Variants in AMMECR1L observed in about 807,000 individuals in gnomAD.
The protein encoded by AMMECR1L is AMMECR1 like.
A neutral mutation model predicts 36.8 loss-of-function variants in AMMECR1L; 4 were observed. The observed-to-expected ratio is 0.11, with a 90% CI of 0.05 to 0.25. AMMECR1L has a LOEUF of 0.25. AMMECR1L is among the 10% of genes least tolerant of loss of function. The probability of loss-of-function intolerance (pLI) is 1.00; values close to 1 mark genes in which losing one functional copy is unlikely to be tolerated. For synonymous variants in AMMECR1L, 147 were observed against 148.0 expected, an observed-to-expected ratio of 0.99 and a Z score of 0.05; for missense variants, 232 against 392.1, an observed-to-expected ratio of 0.59 and a Z score of 3.45.
At chr2:127,870,475 CA>C (rs367636435) in intron 5 of AMMECR1L, among the ~76,000 whole-genome samples, 23 of 142,446 alleles carry the variant, frequency 1.6e-4, no homozygotes, top group Admixed American at 1.4e-4. Context: ...AATTCCATCT[CA>C]AAAAAAAAAA....
intron 7 of AMMECR1L, among the ~76,000 whole-genome samples, 185 bp downstream of exon 7, chr2:127,866,715 G>C (rs1690701863): frequency 1.3e-5 from 2 of 152,218 alleles, no homozygotes; most frequent in African/African-American, 4.8e-5. Context: ...CAGCTATGGA[G>C]ACACACAGGA....
In AMMECR1L at chr2:127,865,014, A is replaced by T; in HGVS notation, c.*80T>A. 1 of 936,776 alleles carries T rather than the reference A, an allele frequency of 1.1e-6. No homozygotes were observed. Among genetic ancestry groups the T allele is most frequent in the Non-Finnish European group, 1.7e-6 (1 of 597,062 alleles). The allele number at this position is 936,776 out of a possible 1,614,324, so 58.0% of individuals were successfully genotyped here. ...GTGCAGTAATAGAAGTAACTGGACC[A>T]GGAAGAGGAGGCATCTGCTCCAATG... On this transcript the variant is annotated 3_prime_UTR_variant, in exon 8 of 8. Coordinates refer to ENST00000272647, the MANE Select transcript of AMMECR1L (RefSeq NM_001199140.2). This position sits in a 1 kb window ranked among gnomAD's most constrained non-coding sequence, Gnocchi z 5.4.
intron 1 of AMMECR1L, chr2:127,885,565 C>T (rs1319667695): frequency 1.0e-6 from 1 of 978,828 alleles, no homozygotes; most frequent in African/African-American, 1.8e-5. Flanking sequence ...CGGCGCCGCC[C>T]GCCCCTCCCC....
Position 127,865,241 on chromosome 2 carries a change from C to A in AMMECR1L, c.822-36G>T, listed in dbSNP as rs757155608. 6.8e-7 allele frequency: 1 copy of A among 1,459,858 alleles called. No individual in the cohort carries two copies. The highest frequency in any genetic ancestry group is 1.4e-5 in the African/African-American group (1 of 71,016). 90.4% of individuals were successfully genotyped at this position (1,459,858 alleles called of 1,614,324 possible). On this transcript the variant is annotated intron_variant, in intron 7 of 7. Coordinates refer to ENST00000272647, the MANE Select transcript of AMMECR1L (RefSeq NM_001199140.2). This position sits in a 1 kb window ranked among gnomAD's most constrained non-coding sequence, Gnocchi z 5.4. ...AAACAGGAAAGGGTATTAGGAACCC[C>A]AAACGCTTCATTTTGTAAAGTCACT...
At chr2:127,866,471 A>G (rs1175052196) in intron 7 of AMMECR1L, among the ~76,000 whole-genome samples, 1 of 152,206 alleles carries the variant, frequency 6.6e-6, no homozygotes, top group East Asian at 1.9e-4. Flanking sequence ...TATTCCCCAC[A>G]AATGAGAGGC....
chr2:127,882,683 T>A (rs1691563008), intron 2 of AMMECR1L, among the ~76,000 whole-genome samples: 1 of 152,174 alleles, frequency 6.6e-6, no homozygotes, highest in African/African-American at 2.4e-5. Flanking sequence ...GGCTTTGAAC[T>A]TCTGTGCTCA....
In AMMECR1L at chr2:127,873,776, AG is replaced by A; in HGVS notation, c.407+51del. 1.2e-6 allele frequency: 2 copies of A among 1,611,486 alleles called. No homozygotes were observed. The highest frequency in any genetic ancestry group is 1.7e-6 in the Non-Finnish European group (2 of 1,179,672). On this transcript the variant is annotated intron_variant, in intron 3 of 7. Transcript: ENST00000272647. This position sits in a 1 kb window ranked among gnomAD's most constrained non-coding sequence, Gnocchi z 5.2. ...CAGACCCTCTCAAGAGAATCACCCC[AG>A]AAAGATGTCACCATGCCTTCCTCAG...
intron 1 of AMMECR1L, chr2:127,885,326 G>T: frequency 5.1e-6 from 5 of 984,720 alleles, no homozygotes; most frequent in Non-Finnish European, 4.8e-6. Context: ...GGTCCGGGGC[G>T]CTGGGGAGTT....
At chr2:127,867,214 T>C (rs1255223497) in intron 6 of AMMECR1L, 9 of 985,352 alleles carry the variant, frequency 9.1e-6, no homozygotes, top group Non-Finnish European at 9.6e-6. Flanking sequence ...ACACATGCCA[T>C]AATGGCTGTC....
chr2:127,868,364 T>C lies in AMMECR1L; in HGVS notation c.724+1090A>G, dbSNP rs145754850. Among the ~76,000 whole-genome samples, 275 of 152,326 alleles carry C rather than the reference T, an allele frequency of 1.8e-3. 1 individual carries two copies. The highest frequency in any genetic ancestry group is 6.3e-3 in the African/African-American group (263 of 41,560). On this transcript the variant is annotated intron_variant, in intron 6 of 7. Transcript: ENST00000272647. ...GTATGCCTCCTTGTACAGAGTGTGTTAGGTTTATGACCTAAAAGAGGTGGC... is the reference window on the plus strand; with the variant it reads ...GTATGCCTCCTTGTACAGAGTGTGTCAGGTTTATGACCTAAAAGAGGTGGC...
rs760884000 is a variant in AMMECR1L at position 127,871,406 on chromosome 2, T to C, written c.408-47A>G. On this transcript the variant is annotated intron_variant, in intron 3 of 7. Transcript: ENST00000272647. This position sits in a 1 kb window ranked among gnomAD's most constrained non-coding sequence, Gnocchi z 4.3. ...ACATTCTCCAGCCCCAAATTAATCATGGATAAGAACAAAACCTTTTGGCTT... is the reference window on the plus strand; with the variant it reads ...ACATTCTCCAGCCCCAAATTAATCACGGATAAGAACAAAACCTTTTGGCTT... 11 of 1,573,280 alleles carry C rather than the reference T, an allele frequency of 7.0e-6. No homozygotes were observed. The highest frequency in any genetic ancestry group is 1.1e-5 in the South Asian group (1 of 88,862).
At chr2:127,877,715 A>G (rs1691314861) in intron 2 of AMMECR1L, among the ~76,000 whole-genome samples, 1 of 152,200 alleles carries the variant, frequency 6.6e-6, no homozygotes, top group Non-Finnish European at 1.5e-5. Flanking sequence ...TCTGCCAATA[A>G]TATCCACTGG....
chr2:127,879,152 C>A (rs1277994930), intron 2 of AMMECR1L, among the ~76,000 whole-genome samples: 1 of 152,188 alleles, frequency 6.6e-6, no homozygotes, highest in East Asian at 1.9e-4. Flanking sequence ...CAAATATTAA[C>A]TTGATACAGT....
chr2:127,878,076 A>G (rs1230443906), intron 2 of AMMECR1L, among the ~76,000 whole-genome samples: 1 of 152,136 alleles, frequency 6.6e-6, no homozygotes, highest in Non-Finnish European at 1.5e-5. Flanking sequence ...ATAAATAAAT[A>G]AATAAAAATT....
chr2:127,873,757 C>G lies in AMMECR1L; in HGVS notation c.407+71G>C. ...AATAAAGACTTCCAAGTAGCAGACCCTCTCAAGAGAATCACCCCAGAAAGA... is the reference window on the plus strand; with the variant it reads ...AATAAAGACTTCCAAGTAGCAGACCGTCTCAAGAGAATCACCCCAGAAAGA... On this transcript the variant is annotated intron_variant, in intron 3 of 7. Coordinates refer to ENST00000272647, the MANE Select transcript of AMMECR1L (RefSeq NM_001199140.2). The surrounding 1 kb of genome is among the most constrained non-coding windows in gnomAD (Gnocchi z 5.2). 1 of 1,607,018 alleles carries G rather than the reference C, an allele frequency of 6.2e-7. No homozygotes were observed. Among genetic ancestry groups the G allele is most frequent in the Non-Finnish European group, 8.5e-7 (1 of 1,178,756 alleles).
At chr2:127,878,382 G>C (rs910077112) in intron 2 of AMMECR1L, among the ~76,000 whole-genome samples, 1 of 152,164 alleles carries the variant, frequency 6.6e-6, no homozygotes, top group African/African-American at 2.4e-5. Flanking sequence ...CTGAGGCTCT[G>C]CACCTCTAGA....
At chr2:127,880,189 T>C (rs1691428105) in intron 2 of AMMECR1L, among the ~76,000 whole-genome samples, 1 of 152,202 alleles carries the variant, frequency 6.6e-6, no homozygotes, top group African/African-American at 2.4e-5. Context: ...TAAAAACCCT[T>C]GCTTTATGAA....
At chr2:127,881,967 T>C (rs1691518326) in intron 2 of AMMECR1L, among the ~76,000 whole-genome samples, 1 of 152,232 alleles carries the variant, frequency 6.6e-6, no homozygotes, top group Admixed American at 6.5e-5. Context: ...TTGAGAGTTG[T>C]ACAGTTTTAT....
intron 3 of AMMECR1L, among the ~76,000 whole-genome samples, chr2:127,872,251 T>A (rs1462176881): frequency 6.7e-6 from 1 of 150,250 alleles, no homozygotes; most frequent in Non-Finnish European, 1.5e-5. Flanking sequence ...TTGCCCAGGC[T>A]AATCTTGAAC....
Sources: gnomAD v4.1 joint callset for allele counts (sites outside exome capture counted in the v4.1 genomes callset) on GRCh38, gnomAD v4.1.1 for gene constraint, Gnocchi (gnomAD v3.1) non-coding constraint, MANE v1.5 for transcripts, NCBI Gene and HGNC (gene_info 2026-07-23, HGNC 2026-07-21) for gene names.